IGF1: variants seen among roughly 807,000 people sequenced by gnomAD.
IGF1 encodes the protein insulin-like growth factor 1.
IGF1 carries 4 observed loss-of-function variants against 13.8 expected under a neutral mutation model. The observed-to-expected ratio is 0.29, with a 90% confidence interval of 0.14 to 0.66. The LOEUF (loss-of-function observed/expected upper bound fraction) is 0.66. Ranked by LOEUF, IGF1 falls within the 30% of genes least tolerant of loss-of-function variation. The pLI is 0.78. For missense variants in IGF1, 124 were observed against 188.5 expected, an observed-to-expected ratio of 0.66 and a Z score of 2.00; for synonymous variants, 76 against 72.6, an observed-to-expected ratio of 1.05 and a Z score of -0.23.
intron 2 of IGF1, among the ~76,000 whole-genome samples, chr12:102,468,213 T>C (rs892960699): frequency 4.6e-5 from 7 of 152,220 alleles, no homozygotes; most frequent in Admixed American, 3.3e-4. Context: ...CAAAAGATTT[T>C]AATTTAAAAG....
At chr12:102,429,756 T>C (rs527988413) in intron 2 of IGF1, among the ~76,000 whole-genome samples, 4 of 152,354 alleles carry the variant, frequency 2.6e-5, no homozygotes, top group African/African-American at 9.6e-5. Context: ...CTTATTTTTC[T>C]TTTTTCTTAC....
chr12:102,426,926 T>C (rs1447179314), intron 2 of IGF1, among the ~76,000 whole-genome samples: 1 of 152,162 alleles, frequency 6.6e-6, no homozygotes, highest in African/African-American at 2.4e-5. Flanking sequence ...ACATTCTTTT[T>C]ATTCACTGAT....
chr12:102,473,541 T>C (rs559504312), intron 2 of IGF1, among the ~76,000 whole-genome samples: 1 of 152,340 alleles, frequency 6.6e-6, no homozygotes, highest in East Asian at 1.9e-4. Context: ...CGGATTAACA[T>C]AAGTCATGGA....
intron 2 of IGF1, among the ~76,000 whole-genome samples, chr12:102,444,496 A>G (rs538263320): frequency 3.9e-5 from 6 of 152,088 alleles, no homozygotes; most frequent in Non-Finnish European, 7.4e-5. Context: ...GCAGTCAGTC[A>G]TTGATGTATT....
intron 2 of IGF1, among the ~76,000 whole-genome samples, chr12:102,437,045 ATTCTCT>A (rs1331204643): frequency 6.6e-6 from 1 of 152,226 alleles, no homozygotes; most frequent in Non-Finnish European, 1.5e-5. Flanking sequence ...GTTTTTAATG[ATTCTCT>A]TTCTAGTCAC....
chr12:102,411,323 G>A (rs1040730467), intron 3 of IGF1, among the ~76,000 whole-genome samples: 3 of 152,110 alleles, frequency 2.0e-5, no homozygotes, highest in Non-Finnish European at 4.4e-5. Flanking sequence ...TTACTCAACC[G>A]TCAACCTGCC....
intron 2 of IGF1, among the ~76,000 whole-genome samples, chr12:102,429,481 ATTT>A (rs1565976904): frequency 6.6e-6 from 1 of 152,042 alleles, no homozygotes; most frequent in Admixed American, 6.6e-5. Flanking sequence ...CATGAAAACT[ATTT>A]TTCTGAATTG....
rs577288891 is a variant in IGF1, at chr12:102,466,426, G to A, written c.220+9217C>T. On this transcript the variant is annotated intron_variant, in intron 2 of 3. Transcript: ENST00000337514. ...CTTGATGGTCGTGACTGGGAGGAAG[G>A]GACTGCTGGCACCTAGTGGATAGAG... Among the ~76,000 whole-genome samples the A allele has an allele frequency of 2.6e-5, 4 of 152,252 alleles. No individual in the cohort carries two copies. The East Asian group carries it at 7.7e-4, about 29-fold the overall frequency.
intron 1 of IGF1, among the ~76,000 whole-genome samples, chr12:102,479,976 G>GAAA (rs5800512): frequency 2.0e-5 from 3 of 149,774 alleles, no homozygotes; most frequent in East Asian, 1.9e-4. Context: ...ACCTGCAAAA[G>GAAA]AAAAAAAAAA....
At chr12:102,476,529 G>A (rs1477594125) in intron 1 of IGF1, among the ~76,000 whole-genome samples, 1 of 151,166 alleles carries the variant, frequency 6.6e-6, no homozygotes, top group African/African-American at 2.4e-5. Flanking sequence ...TATGAGAATC[G>A]AAGAATGAAA....
Position 102,475,700 on chromosome 12 carries a change from C to G in IGF1, c.163G>C (p.Gly55Arg). Residue 55 changes from glycine (G) to arginine (R), a missense_variant, in exon 2 of 4, where the codon GGG becomes CGG. Around this residue, in one of 2 missense-constraint regions of IGF1, gnomAD observed 99 missense variants for 171.4 expected, o/e 0.58. Coordinates refer to ENST00000337514, the MANE Select transcript of IGF1 (RefSeq NM_000618.5). Reference sequence around the variant, plus strand: ...TGAAGAGCATCCACCAGCTCAGCCCCGCAGAGCGTCTCCGGTCCAGCCGTG... The same window carrying G: ...TGAAGAGCATCCACCAGCTCAGCCCGGCAGAGCGTCTCCGGTCCAGCCGTG... ...SATAGPETLC[G>R]AELVDALQFV... The G allele has an allele frequency of 1.9e-6, 3 of 1,614,172 alleles. No individual in the cohort carries two copies. The highest frequency in any genetic ancestry group is 2.5e-6 in the Non-Finnish European group (3 of 1,180,032).
At chr12:102,441,906 G>GCTGCTGCTGCTTCTGCTTCTTCTTCTT in intron 2 of IGF1, among the ~76,000 whole-genome samples, 1 of 100,292 alleles carries the variant, frequency 1.0e-5, no homozygotes, top group South Asian at 3.3e-4. Flanking sequence ...CTATTACACT[G>GCTGCTGCTGCTTCTGCTTCTTCTTCTT]CTTCTTCTCC....
At chr12:102,460,952 G>T (rs181474770) in intron 2 of IGF1, among the ~76,000 whole-genome samples, 12 of 152,034 alleles carry the variant, frequency 7.9e-5, no homozygotes, top group African/African-American at 2.9e-4. Context: ...TGCCAAACTG[G>T]GAAGAGAGAT....
At chr12:102,465,405 C>T (rs186619065) in intron 2 of IGF1, among the ~76,000 whole-genome samples, 57 of 152,254 alleles carry the variant, frequency 3.7e-4, no homozygotes, top group Admixed American at 8.5e-4. Context: ...GGCTCAAGGA[C>T]GTTAAGTGAC....
intron 3 of IGF1, among the ~76,000 whole-genome samples, chr12:102,407,677 T>C (rs1401944188): frequency 6.6e-6 from 1 of 152,300 alleles, no homozygotes; most frequent in East Asian, 1.9e-4. Flanking sequence ...CAATAGTTGA[T>C]AATATCATGA....
chr12:102,427,235 A>C (rs1876285825), intron 2 of IGF1, among the ~76,000 whole-genome samples: 1 of 152,162 alleles, frequency 6.6e-6, no homozygotes, highest in Middle Eastern at 3.4e-3. Flanking sequence ...GACTGACACA[A>C]CTGTAAGCTG....
rs1396089446 is a variant in IGF1, at chr12:102,402,167, T to A, written c.*340A>T. 1.3e-5 allele frequency: 2 copies of A among 159,176 alleles called. No homozygotes were observed. Among genetic ancestry groups the A allele is most frequent in the African/African-American group, 4.8e-5 (2 of 41,574 alleles). The allele number at this position is 159,176 out of a possible 1,614,324, so 9.9% of individuals were successfully genotyped here. A position where few individuals can be genotyped will look rare whatever the true frequency, so the allele number is the denominator to read the frequency against. On this transcript the variant is annotated 3_prime_UTR_variant, in exon 4 of 4. Transcript: ENST00000337514. ...AGCAGCCAAGATTCAGAGAGGAATTTAGTGCAACTGGATCTATACAACACC... is the reference window on the plus strand; with the variant it reads ...AGCAGCCAAGATTCAGAGAGGAATTAAGTGCAACTGGATCTATACAACACC...
At chr12:102,433,322 G>T (rs1356595983) in intron 2 of IGF1, among the ~76,000 whole-genome samples, 1 of 152,126 alleles carries the variant, frequency 6.6e-6, no homozygotes, top group Non-Finnish European at 1.5e-5. Flanking sequence ...AAAAAAACAG[G>T]ATAACAGGTC....
chr12:102,444,857 G>A (rs1878176283), intron 2 of IGF1, among the ~76,000 whole-genome samples: 1 of 152,062 alleles, frequency 6.6e-6, no homozygotes, highest in Non-Finnish European at 1.5e-5. Flanking sequence ...ATACTTGATT[G>A]CCTCAGGTGG....
Sources: gnomAD v4.1 joint callset for allele counts (sites outside exome capture counted in the v4.1 genomes callset) on GRCh38, gnomAD v4.1.1 for gene constraint, gnomAD v4.1.1 regional missense constraint, MANE v1.5 for transcripts, NCBI Gene and HGNC (gene_info 2026-07-23, HGNC 2026-07-21) for gene names.